Variants in RNF24 observed in about 807,000 individuals in gnomAD.
RNF24 encodes ring finger protein 24.
Under a neutral mutation model 20.0 loss-of-function variants are expected in RNF24, and 14 were observed. The observed-to-expected ratio is 0.70, with a 90% CI of 0.46 to 1.10. The LOEUF (loss-of-function observed/expected upper bound fraction) is 1.10, where lower values mean the gene tolerates loss of function less well. Ranked by LOEUF, RNF24 falls within the 50% of genes least tolerant of loss-of-function variation. RNF24 has a pLI of 0.00. For missense variants in RNF24, 124 were observed against 177.6 expected, an observed-to-expected ratio of 0.70 and a Z score of 1.71; for synonymous variants, 45 against 61.1, an observed-to-expected ratio of 0.74 and a Z score of 1.23.
intron 1 of RNF24, among the ~76,000 whole-genome samples, chr20:3,994,260 A>G (rs1461025081): frequency 1.3e-5 from 2 of 152,226 alleles, no homozygotes; most frequent in Non-Finnish European, 2.9e-5. Context: ...AAAGATAGAA[A>G]AAAGAAAATC....
chr20:4,012,342 G>T (rs1982524616), intron 1 of RNF24, among the ~76,000 whole-genome samples: 2 of 151,898 alleles, frequency 1.3e-5, no homozygotes, highest in African/African-American at 4.8e-5. Context: ...ACTTGAACCT[G>T]GGAGACGGAG....
Position 3,932,833 on chromosome 20 carries a change from G to A in RNF24, c.*1230C>T, listed in dbSNP as rs1361068580. ...ATATTCACAAATCTTAATGGACTTT[G>A]AGTCATTTCTAGAAAAGTTGGACAG... is the stretch of plus-strand genomic sequence containing the variant. On this transcript the variant is annotated 3_prime_UTR_variant, in exon 6 of 6. Coordinates refer to ENST00000358395, the MANE Select transcript of RNF24 (RefSeq NM_001134337.3). 7.5e-6 allele frequency: 3 copies of A among 397,966 alleles called. No individual in the cohort carries two copies. The highest frequency in any genetic ancestry group is 1.3e-5 in the Non-Finnish European group (3 of 226,066). The allele number at this position is 397,966 out of a possible 1,614,324, so 24.7% of individuals were successfully genotyped here.
intron 1 of RNF24, among the ~76,000 whole-genome samples, chr20:3,968,191 G>C (rs2091279921): frequency 6.6e-6 from 1 of 152,034 alleles, no homozygotes; most frequent in African/African-American, 2.4e-5. Context: ...TGTAATCCCA[G>C]CTTCTCAGGA....
intron 1 of RNF24, among the ~76,000 whole-genome samples, chr20:3,976,669 G>A (rs1978895496): frequency 6.6e-6 from 1 of 152,200 alleles, no homozygotes; most frequent in Non-Finnish European, 1.5e-5. Context: ...CTTGAGGTAT[G>A]CACATCGTCA....
chr20:3,934,831 G>C lies in RNF24; in HGVS notation c.308+163C>G, dbSNP rs530005532. ...CCACTCTGCTGTCTCCTAATGTCACGCACACACACACACATCCCACCTGTA... is the reference window on the plus strand; with the variant it reads ...CCACTCTGCTGTCTCCTAATGTCACCCACACACACACACATCCCACCTGTA... On this transcript the variant is annotated intron_variant, in intron 5 of 5. Coordinates refer to ENST00000358395, the MANE Select transcript of RNF24 (RefSeq NM_001134337.3). The surrounding 1 kb of genome is among the most constrained non-coding windows in gnomAD (Gnocchi z 4.0). Among the ~76,000 whole-genome samples the C allele has an allele frequency of 6.6e-6, 1 of 151,218 alleles. No individual in the cohort carries two copies. Among genetic ancestry groups the C allele is most frequent in the Non-Finnish European group, 1.5e-5 (1 of 67,720 alleles).
At chr20:4,010,688 A>C (rs1982391959) in intron 1 of RNF24, among the ~76,000 whole-genome samples, 1 of 152,188 alleles carries the variant, frequency 6.6e-6, no homozygotes, top group Non-Finnish European at 1.5e-5. Context: ...TGTTGATTTC[A>C]TTTAAAAGTA....
chr20:4,009,723 G>A (rs1982283220), intron 1 of RNF24, among the ~76,000 whole-genome samples: 1 of 152,136 alleles, frequency 6.6e-6, no homozygotes, highest in Non-Finnish European at 1.5e-5. Flanking sequence ...GCAGTGCTGA[G>A]TGTCTACTTC....
chr20:4,014,510 A>G (rs1435477560), intron 1 of RNF24, among the ~76,000 whole-genome samples: 1 of 152,212 alleles, frequency 6.6e-6, no homozygotes, highest in Non-Finnish European at 1.5e-5. Context: ...CCATTAACTA[A>G]GCCCAAAAAG....
At position 3,999,712 on chromosome 20, in the gene RNF24, C is replaced by T. The variant is rs1318750087; in HGVS notation, c.-8+15725G>A. Among the ~76,000 whole-genome samples the T allele has an allele frequency of 7.9e-5, 12 of 152,326 alleles. No individual in the cohort carries two copies. The East Asian group carries it at 1.4e-3, about 17-fold the overall frequency. ...GAGGTTGCAGTGAGCCGAGATCATG[C>T]CATTGTACTCCTGCATGGGCAACGA... is the stretch of plus-strand genomic sequence containing the variant. On this transcript the variant is annotated intron_variant, in intron 1 of 5. Transcript: ENST00000358395.
intron 2 of RNF24, among the ~76,000 whole-genome samples, chr20:3,956,261 G>T (rs2091141442): frequency 6.8e-6 from 1 of 147,946 alleles, no homozygotes. Context: ...AGTTGTGTGT[G>T]TGTTTTTTTT....
intron 1 of RNF24, among the ~76,000 whole-genome samples, chr20:4,003,549 C>G (rs1272460032): frequency 6.6e-6 from 1 of 151,174 alleles, no homozygotes; most frequent in African/African-American, 2.4e-5. Context: ...TTATGGAACC[C>G]TCTGAAAATC....
chr20:3,975,404 T>C (rs1279602690), intron 1 of RNF24, among the ~76,000 whole-genome samples: 1 of 152,178 alleles, frequency 6.6e-6, no homozygotes, highest in African/African-American at 2.4e-5. Context: ...ATTGATACAC[T>C]GGACTTCATT....
chr20:3,966,133 C>CAAAAAAAAAAAA (rs574975352), intron 1 of RNF24, among the ~76,000 whole-genome samples: 1 of 81,468 alleles, frequency 1.2e-5, no homozygotes, highest in Non-Finnish European at 2.2e-5. Flanking sequence ...GATTCCATCT[C>CAAAAAAAAAAAA]AAAAAAAAAA....
chr20:4,014,086 T>C (rs1406094605), intron 1 of RNF24, among the ~76,000 whole-genome samples: 1 of 152,210 alleles, frequency 6.6e-6, no homozygotes, highest in Non-Finnish European at 1.5e-5. Flanking sequence ...CAGCGCTTCC[T>C]TCTCTCTCTG....
intron 1 of RNF24, among the ~76,000 whole-genome samples, chr20:3,978,722 T>C (rs749500453): frequency 3.3e-5 from 5 of 152,186 alleles, no homozygotes; most frequent in Non-Finnish European, 7.3e-5. Flanking sequence ...TAAAAAGCTA[T>C]ATGAACAATG....
rs1254261930 is a variant in RNF24, at chr20:3,930,049, T to C, written c.*4014A>G. On this transcript the variant is annotated 3_prime_UTR_variant, in exon 6 of 6. Transcript: ENST00000358395. ...AAAATTATATAGACACACATACACA[T>C]GTGTGTACATGCATAAATGATCTCT... 2.6e-5 allele frequency: 4 copies of C among 152,090 alleles called. No homozygotes were observed. Among genetic ancestry groups the C allele is most frequent in the African/African-American group, 4.8e-5 (2 of 41,396 alleles). The allele number at this position is 152,090 out of a possible 1,614,324, so 9.4% of individuals were successfully genotyped here. A position where few individuals can be genotyped will look rare whatever the true frequency, so the allele number is the denominator to read the frequency against.
At chr20:3,938,510 A>C (rs2090918802) in intron 4 of RNF24, among the ~76,000 whole-genome samples, 1 of 152,236 alleles carries the variant, frequency 6.6e-6, no homozygotes, top group Non-Finnish European at 1.5e-5. Context: ...AAATGGATAA[A>C]CTGGACTTGA....
Position 4,001,759 on chromosome 20 carries a change from G to T in RNF24, c.-8+13678C>A, listed in dbSNP as rs143693501. ...AAGACCAGCCTAGGCAAGAGAGTAA[G>T]ACCTCATCTCTATAAAACTTAAAAA... On this transcript the variant is annotated intron_variant, in intron 1 of 5. Transcript: ENST00000358395. Among the ~76,000 whole-genome samples, 41 of 152,038 alleles carry T rather than the reference G, an allele frequency of 2.7e-4. 1 individual carries two copies. The highest frequency in any genetic ancestry group is 9.4e-4 in the African/African-American group (39 of 41,468).
chr20:3,999,022 G>A (rs1981161296), intron 1 of RNF24, among the ~76,000 whole-genome samples: 1 of 152,298 alleles, frequency 6.6e-6, no homozygotes, highest in East Asian at 1.9e-4. Flanking sequence ...GGGGGTTGCA[G>A]TGAGCCAAGA....
Sources: gnomAD v4.1 joint callset for allele counts (sites outside exome capture counted in the v4.1 genomes callset) on GRCh38, gnomAD v4.1.1 for gene constraint, Gnocchi (gnomAD v3.1) non-coding constraint, MANE v1.5 for transcripts, NCBI Gene and HGNC (gene_info 2026-07-23, HGNC 2026-07-21) for gene names.